KCNQ1: variants seen among roughly 807,000 people sequenced by gnomAD.
KCNQ1 encodes the protein potassium voltage-gated channel subfamily Q member 1, also known as potassium voltage-gated channel subfamily KQT member 1.
In KCNQ1, 49 loss-of-function variants were observed where a neutral mutation model predicts 72.4. The observed-to-expected ratio is 0.68, with a 90% CI of 0.54 to 0.86. The LOEUF (loss-of-function observed/expected upper bound fraction) is 0.86. Ranked by LOEUF, KCNQ1 falls within the 40% of genes least tolerant of loss-of-function variation. KCNQ1 has a pLI of 0.00. For synonymous variants in KCNQ1, 450 were observed against 412.6 expected (o/e 1.09, Z -1.10); for missense variants, 790 against 945.1 (o/e 0.84, Z 2.15).
At chr11:2,756,682 C>G (rs1846303685) in intron 11 of KCNQ1, among the ~76,000 whole-genome samples, 1 of 151,918 alleles carries the variant, frequency 6.6e-6, no homozygotes, top group African/African-American at 2.4e-5. Flanking sequence ...AACTCCTGAG[C>G]TCAAAGCAAT....
intron 6 of KCNQ1, among the ~76,000 whole-genome samples, chr11:2,578,809 G>C (rs1173073593): frequency 6.6e-6 from 1 of 152,256 alleles, no homozygotes; most frequent in African/African-American, 2.4e-5. Context: ...GGCTGAAGCA[G>C]CCTCTTAGCC....
At position 2,664,622 on chromosome 11, in the gene KCNQ1, C is replaced by T. The variant is rs1364643528; in HGVS notation, c.1514+2541C>T. On this transcript the variant is annotated intron_variant, in intron 11 of 15. Transcript: ENST00000155840. The surrounding 1 kb of genome is among the most constrained non-coding windows in gnomAD (Gnocchi z 5.1). ...CTCCTGCACAGCCCGCCCAGTGATG[C>T]CCATAATTAAATTCGGCTCCAGCTG... 1 of 398,526 alleles carries T rather than the reference C, an allele frequency of 2.5e-6. No individual in the cohort carries two copies. The highest frequency in any genetic ancestry group is 6.2e-4 in the Middle Eastern group (1 of 1,612). The allele number at this position is 398,526 out of a possible 1,614,324, so 24.7% of individuals were successfully genotyped here.
In KCNQ1 at chr11:2,467,171, C is replaced by T. The variant is rs1164981501; in HGVS notation, c.386+21687C>T. On this transcript the variant is annotated intron_variant, in intron 1 of 15. Transcript: ENST00000155840. ...GGCCTGGGCCTCCCTGGGGTGAGGG[C>T]CAGGGTGCCTCTGCAGGGGTGGAAG... 2.0e-5 allele frequency among the ~76,000 whole-genome samples: 3 copies of T among 152,230 alleles called. No homozygotes were observed. In the East Asian group the frequency reaches 5.8e-4, roughly 29 times the overall value.
chr11:2,556,172 G>A (rs943863770), intron 2 of KCNQ1, among the ~76,000 whole-genome samples: 6 of 152,154 alleles, frequency 3.9e-5, no homozygotes. Context: ...GCGCCCCCCG[G>A]CCGGCAAGTC....
chr11:2,535,126 G>A (rs1296559971), intron 2 of KCNQ1, among the ~76,000 whole-genome samples: 1 of 152,260 alleles, frequency 6.6e-6, no homozygotes, highest in Non-Finnish European at 1.5e-5. Context: ...TCACTCATCT[G>A]TCCTGAGACC....
chr11:2,587,722 G>T (rs763644233), intron 9 of KCNQ1, 30 bp downstream of exon 9: 1 of 1,613,304 alleles, frequency 6.2e-7, no homozygotes. Flanking sequence ...CCAGGGCAGG[G>T]CCTTCTTGCT....
chr11:2,499,499 A>G (rs1263525309), intron 1 of KCNQ1, among the ~76,000 whole-genome samples: 1 of 152,010 alleles, frequency 6.6e-6, no homozygotes, highest in African/African-American at 2.4e-5. Flanking sequence ...TTGCCAATCA[A>G]AAGACAGAGT....
rs186545309 is a variant in KCNQ1 at position 2,784,706 on chromosome 11, A to C, written c.1794+6669A>C. Reference sequence around the variant, plus strand: ...TATTTGATCTACTTTAATTTCTTTCAGTGATATTTTGCAGTTTGGGGCATA... The same window carrying C: ...TATTTGATCTACTTTAATTTCTTTCCGTGATATTTTGCAGTTTGGGGCATA... On this transcript the variant is annotated intron_variant, in intron 15 of 15. Coordinates refer to ENST00000155840, the MANE Select transcript of KCNQ1 (RefSeq NM_000218.3). The surrounding 1 kb of genome is among the most constrained non-coding windows in gnomAD (Gnocchi z 4.7). 1.2e-4 allele frequency among the ~76,000 whole-genome samples: 18 copies of C among 152,042 alleles called. No homozygotes were observed. Among genetic ancestry groups the C allele is most frequent in the Admixed American group, 9.2e-4 (14 of 15,294 alleles).
rs1026120592 is a variant in KCNQ1 at position 2,714,905 on chromosome 11, C to T, written c.1514+52824C>T. ...TTCTGGGTCCCTCAGGACACATGCT[C>T]TCCAGCTCGTCAGTGTTACCTGGAT... On this transcript the variant is annotated intron_variant, in intron 11 of 15. Transcript: ENST00000155840. Among the ~76,000 whole-genome samples the T allele has an allele frequency of 9.9e-5, 15 of 152,006 alleles. 1 individual carries two copies. Among genetic ancestry groups the T allele is most frequent in the East Asian group, 1.9e-4 (1 of 5,136 alleles).
Position 2,498,887 on chromosome 11 carries a change from T to C in KCNQ1, c.387-29041T>C, listed in dbSNP as rs1253349747. Among the ~76,000 whole-genome samples the C allele has an allele frequency of 6.6e-6, 1 of 152,172 alleles. No individual in the cohort carries two copies. The highest frequency in any genetic ancestry group is 2.4e-5 in the African/African-American group (1 of 41,442). ...AAAAGCATAGTATCCAGGCCGGGTA[T>C]CACAGTCCCGGGTATCACAGATGAC... On this transcript the variant is annotated intron_variant, in intron 1 of 15. Coordinates refer to ENST00000155840, the MANE Select transcript of KCNQ1 (RefSeq NM_000218.3). This position sits in a 1 kb window ranked among gnomAD's most constrained non-coding sequence, Gnocchi z 4.8.
intron 11 of KCNQ1, among the ~76,000 whole-genome samples, chr11:2,716,044 T>C (rs567213582): frequency 3.9e-5 from 6 of 151,978 alleles, no homozygotes; most frequent in Admixed American, 6.6e-5. Context: ...GCACTGAGAG[T>C]AATGGGCAAG....
chr11:2,632,713 A>G (rs1849380777), intron 10 of KCNQ1: 1 of 398,400 alleles, frequency 2.5e-6, no homozygotes, highest in East Asian at 3.6e-5. Flanking sequence ...CATTTAACAT[A>G]TTATCCAAGT....
At position 2,579,506 on chromosome 11, in the gene KCNQ1, T is replaced by C. The variant is rs1848468516; in HGVS notation, c.922-3929T>C. On this transcript the variant is annotated intron_variant, in intron 6 of 15. Transcript: ENST00000155840. The surrounding 1 kb of genome is among the most constrained non-coding windows in gnomAD (Gnocchi z 6.0). Reference sequence around the variant, plus strand: ...GGCCATCAGGGACTAATCCCCAGCATGGTGACCATAAAACAGCCCATTCCT... The same window carrying C: ...GGCCATCAGGGACTAATCCCCAGCACGGTGACCATAAAACAGCCCATTCCT... 6.6e-6 allele frequency among the ~76,000 whole-genome samples: 1 copy of C among 152,172 alleles called. No homozygotes were observed.
rs576245646 is a variant in KCNQ1, at chr11:2,464,634, TGGG to T, written c.386+19155_386+19157del. 8.0e-5 allele frequency among the ~76,000 whole-genome samples: 12 copies of T among 149,276 alleles called. No homozygotes were observed. The highest frequency in any genetic ancestry group is 3.0e-4 in the African/African-American group (12 of 40,652). Reference sequence around the variant, plus strand: ...TTGGGGAGGCCTGGGGGACAGGAGTTGGGGGGGTGGGCAGTGCCTCTGTGTGGC... The same window carrying T: ...TTGGGGAGGCCTGGGGGACAGGAGTTGGGGTGGGCAGTGCCTCTGTGTGGC... On this transcript the variant is annotated intron_variant, in intron 1 of 15. Coordinates refer to ENST00000155840, the MANE Select transcript of KCNQ1 (RefSeq NM_000218.3). This position sits in a 1 kb window ranked among gnomAD's most constrained non-coding sequence, Gnocchi z 5.0.
In KCNQ1 at chr11:2,674,290, T is replaced by C. The variant is rs574532339; in HGVS notation, c.1514+12209T>C. 2.3e-5 allele frequency: 9 copies of C among 398,492 alleles called. No homozygotes were observed. The South Asian group carries it at 1.1e-3, about 51-fold the overall frequency. The allele number at this position is 398,492 out of a possible 1,614,324, so 24.7% of individuals were successfully genotyped here. A position where few individuals can be genotyped will look rare whatever the true frequency, so the allele number is the denominator to read the frequency against. On this transcript the variant is annotated intron_variant, in intron 11 of 15. Transcript: ENST00000155840. The surrounding 1 kb of genome is among the most constrained non-coding windows in gnomAD (Gnocchi z 5.9). ...CCGGCACACACACTAGGACCTTTCT[T>C]CATCATGCAGCCGTAGAGCTGGAGG...
chr11:2,820,786 T>A (rs1234451428), intron 15 of KCNQ1, among the ~76,000 whole-genome samples: 1 of 152,238 alleles, frequency 6.6e-6, no homozygotes, highest in Non-Finnish European at 1.5e-5. Context: ...TGAGTCTGCG[T>A]GGCTTCCGCC....
chr11:2,533,274 G>T (rs1172681100), intron 2 of KCNQ1, among the ~76,000 whole-genome samples: 5 of 152,200 alleles, frequency 3.3e-5, no homozygotes, highest in African/African-American at 1.2e-4. Context: ...GCTGAACCAG[G>T]GATATGCGGT....
At chr11:2,807,624 C>A (rs1227955984) in intron 15 of KCNQ1, among the ~76,000 whole-genome samples, 1 of 152,222 alleles carries the variant, frequency 6.6e-6, no homozygotes, top group Non-Finnish European at 1.5e-5. Flanking sequence ...CAACCCGCGC[C>A]AGGACAGCCG....
rs1459339936 is a variant in KCNQ1, at chr11:2,579,143, G to A, written c.922-4292G>A. ...AGCTCTGGGAGCCAGGGCTTGGCAT[G>A]CGGCTGGAGCTCAGGTTTCTGGGCT... is the stretch of plus-strand genomic sequence containing the variant. On this transcript the variant is annotated intron_variant, in intron 6 of 15. Coordinates refer to ENST00000155840, the MANE Select transcript of KCNQ1 (RefSeq NM_000218.3). The surrounding 1 kb of genome is among the most constrained non-coding windows in gnomAD (Gnocchi z 6.0). Among the ~76,000 whole-genome samples, 1 of 152,216 alleles carries A rather than the reference G, an allele frequency of 6.6e-6. No individual in the cohort carries two copies. Among genetic ancestry groups the A allele is most frequent in the Non-Finnish European group, 1.5e-5 (1 of 68,038 alleles).
Sources: gnomAD v4.1 joint callset for allele counts (sites outside exome capture counted in the v4.1 genomes callset) on GRCh38, gnomAD v4.1.1 for gene constraint, Gnocchi (gnomAD v3.1) non-coding constraint, MANE v1.5 for transcripts, NCBI Gene and HGNC (gene_info 2026-07-23, HGNC 2026-07-21) for gene names.